Variants in GRID2 observed in about 807,000 individuals in gnomAD.
The protein encoded by GRID2 is glutamate ionotropic receptor delta type subunit 2.
Under a neutral mutation model 114.8 loss-of-function variants are expected in GRID2, and 33 were observed. That is an observed-to-expected ratio of 0.29 (90% CI 0.22 to 0.38). The LOEUF is 0.38. GRID2 is among the 10% of genes least tolerant of loss of function. The pLI is 1.00. For synonymous variants in GRID2, 505 were observed against 449.9 expected (o/e 1.12, Z -1.55); for missense variants, 1,184 against 1,257.7 (o/e 0.94, Z 0.89).
At position 92,753,089 on chromosome 4, in the gene GRID2, T is replaced by C. The variant is rs58246148; in HGVS notation, c.244+162803T>C. The stretch of plus-strand genomic sequence containing the variant: ...ACTGTTTCTGATTGTTATATAAAAC[T>C]GATTTATTACAAATGTAAGTAATAC... On this transcript the variant is annotated intron_variant, in intron 2 of 15. Transcript: ENST00000282020. Among the ~76,000 whole-genome samples, 67 of 152,308 alleles carry C rather than the reference T, an allele frequency of 4.4e-4. No individual in the cohort carries two copies. In the East Asian group the frequency reaches 0.013, roughly 28 times the overall value.
chr4:92,447,382 CAGATTGTG>C (rs1472112345), intron 1 of GRID2, among the ~76,000 whole-genome samples: 1 of 152,152 alleles, frequency 6.6e-6, no homozygotes, highest in African/African-American at 2.4e-5. Flanking sequence ...CTTCTAAGGG[CAGATTGTG>C]TGCATCTATG....
At chr4:92,959,257 T>G (rs944334981) in intron 2 of GRID2, among the ~76,000 whole-genome samples, 1 of 151,952 alleles carries the variant, frequency 6.6e-6, no homozygotes, top group African/African-American at 2.4e-5. Context: ...TCCTCTCCTT[T>G]TCCTAGTTTC....
At chr4:93,633,045 T>C (rs1404986770) in intron 14 of GRID2, among the ~76,000 whole-genome samples, 2 of 145,682 alleles carry the variant, frequency 1.4e-5, no homozygotes, top group Admixed American at 1.4e-4. Flanking sequence ...TAAGATCTCT[T>C]TCTATCTCTC....
At chr4:93,254,340 T>C (rs945113333) in intron 8 of GRID2, among the ~76,000 whole-genome samples, 1 of 152,090 alleles carries the variant, frequency 6.6e-6, no homozygotes, top group African/African-American at 2.4e-5. Flanking sequence ...TGGATTAATA[T>C]AGGTTGTGCT....
At chr4:93,156,232 T>A (rs901381642) in intron 4 of GRID2, among the ~76,000 whole-genome samples, 1 of 151,818 alleles carries the variant, frequency 6.6e-6, no homozygotes, top group Non-Finnish European at 1.5e-5. Context: ...CATTTTATAT[T>A]TACCTCTTAA....
chr4:93,422,398 T>G (rs1768376722), intron 9 of GRID2, among the ~76,000 whole-genome samples: 1 of 152,204 alleles, frequency 6.6e-6, no homozygotes, highest in Non-Finnish European at 1.5e-5. Flanking sequence ...GGATGTAATT[T>G]ACATGGTTTA....
chr4:92,824,190 G>A (rs1560616585), intron 2 of GRID2, among the ~76,000 whole-genome samples: 1 of 152,082 alleles, frequency 6.6e-6, no homozygotes, highest in Non-Finnish European at 1.5e-5. Context: ...TGCCTGCTTA[G>A]GCTGAGGTTC....
intron 14 of GRID2, among the ~76,000 whole-genome samples, chr4:93,749,477 GC>G (rs35940634): frequency 6.6e-6 from 1 of 152,076 alleles, no homozygotes; most frequent in African/African-American, 2.4e-5. Context: ...GCCACTCATT[GC>G]CCCTTTTTCA....
intron 14 of GRID2, among the ~76,000 whole-genome samples, chr4:93,700,176 A>G (rs1343103610): frequency 2.6e-5 from 4 of 152,130 alleles, no homozygotes. Flanking sequence ...TCTCCTGCTA[A>G]GTGGATTGAC....
At chr4:92,722,573 T>G (rs1312917145) in intron 2 of GRID2, among the ~76,000 whole-genome samples, 1 of 152,088 alleles carries the variant, frequency 6.6e-6, no homozygotes, top group East Asian at 1.9e-4. Flanking sequence ...ATTAACTAAG[T>G]GTGGCCCAGT....
At chr4:93,242,766 A>G (rs1345698784) in intron 8 of GRID2, among the ~76,000 whole-genome samples, 1 of 151,964 alleles carries the variant, frequency 6.6e-6, no homozygotes, top group Non-Finnish European at 1.5e-5. Flanking sequence ...GCACTCATCA[A>G]GGGATGTTTG....
At chr4:92,994,008 C>T (rs1755057304) in intron 2 of GRID2, among the ~76,000 whole-genome samples, 1 of 152,090 alleles carries the variant, frequency 6.6e-6, no homozygotes, top group Admixed American at 6.6e-5. Context: ...GAAGCAAACC[C>T]CTGTTCTGTT....
intron 1 of GRID2, among the ~76,000 whole-genome samples, chr4:92,338,887 C>T (rs972027466): frequency 8.5e-5 from 13 of 152,056 alleles, no homozygotes; most frequent in Admixed American, 1.3e-4. Context: ...TTGTAAAATG[C>T]TGTTGGACAC....
intron 8 of GRID2, among the ~76,000 whole-genome samples, chr4:93,340,822 A>G (rs931351289): frequency 6.6e-6 from 1 of 152,146 alleles, no homozygotes; most frequent in African/African-American, 2.4e-5. Flanking sequence ...AATGGTAAAT[A>G]CCTGGCAGCA....
In GRID2 at chr4:92,601,049, A is replaced by G. The variant is rs78952122; in HGVS notation, c.244+10763A>G. Among the ~76,000 whole-genome samples, 29 of 151,674 alleles carry G rather than the reference A, an allele frequency of 1.9e-4. No homozygotes were observed. In the East Asian group the frequency reaches 5.5e-3, roughly 29 times the overall value. ...CCCCAAAGGGCTTAACCCCAGAGAGACCAGAGCTCTGTCCCTACACTCCTG... is the reference window on the plus strand; with the variant it reads ...CCCCAAAGGGCTTAACCCCAGAGAGGCCAGAGCTCTGTCCCTACACTCCTG... On this transcript the variant is annotated intron_variant, in intron 2 of 15. Coordinates refer to ENST00000282020, the MANE Select transcript of GRID2 (RefSeq NM_001510.4).
intron 1 of GRID2, among the ~76,000 whole-genome samples, chr4:92,438,578 C>CTGTGTGTGTG (rs34304139): frequency 4.8e-5 from 7 of 147,004 alleles, no homozygotes; most frequent in African/African-American, 1.5e-4. Flanking sequence ...AGTTTACCTT[C>CTGTGTGTGTG]TGTGTGTGTG....
intron 8 of GRID2, among the ~76,000 whole-genome samples, chr4:93,358,692 T>C (rs1761579826): frequency 6.6e-6 from 1 of 152,026 alleles, no homozygotes; most frequent in Non-Finnish European, 1.5e-5. Context: ...TTGTACCAAA[T>C]TCTACTTCAG....
intron 2 of GRID2, among the ~76,000 whole-genome samples, chr4:92,794,425 A>G (rs942051587): frequency 2.0e-5 from 3 of 151,826 alleles, no homozygotes; most frequent in Non-Finnish European, 4.4e-5. Flanking sequence ...TTAGTTATTA[A>G]AAGAAAAATT....
chr4:92,543,531 C>T (rs1331518351), intron 1 of GRID2, among the ~76,000 whole-genome samples: 1 of 152,046 alleles, frequency 6.6e-6, no homozygotes, highest in Non-Finnish European at 1.5e-5. Context: ...TTATTTTGTT[C>T]ACTCCATCAA....
Sources: allele counts gnomAD v4.1 joint callset (sites outside exome capture counted in the v4.1 genomes callset), GRCh38; gene constraint gnomAD v4.1.1; transcripts MANE v1.5; gene names NCBI Gene and HGNC (gene_info 2026-07-23, HGNC 2026-07-21).